The following KCTD16 variants were observed in gnomAD, a reference collection of about 807,000 sequenced individuals.
KCTD16 encodes BTB/POZ domain-containing protein KCTD16.
KCTD16 carries 13 observed loss-of-function variants against 33.2 expected under a neutral mutation model. The ratio of observed to expected loss-of-function variants is 0.39; its 90% CI spans 0.25 to 0.62. The LOEUF (loss-of-function observed/expected upper bound fraction) is 0.62, where lower values mean the gene tolerates loss of function less well. Ranked by LOEUF, KCTD16 falls within the 20% of genes least tolerant of loss-of-function variation. The pLI is 0.50. For missense variants in KCTD16, 441 were observed against 525.1 expected (o/e 0.84, Z 1.57); for synonymous variants, 197 against 195.3 (o/e 1.01, Z -0.07).
intron 3 of KCTD16, 44 bp downstream of exon 3, chr5:144,207,590 T>A: frequency 7.4e-7 from 1 of 1,354,602 alleles, no homozygotes; most frequent in Non-Finnish European, 1.0e-6. Context: ...GTGTCAATGC[T>A]CTTCACAAAT....
chr5:144,316,826 C>CTTTT (rs34796022), intron 3 of KCTD16, among the ~76,000 whole-genome samples: 15 of 111,160 alleles, frequency 1.3e-4, no homozygotes, highest in East Asian at 7.9e-4. Context: ...GCCAGCATCC[C>CTTTT]TTTTTTTTTT....
intron 3 of KCTD16, among the ~76,000 whole-genome samples, chr5:144,374,843 A>G (rs1752049412): frequency 6.6e-6 from 1 of 151,836 alleles, no homozygotes. Flanking sequence ...TGTGTTTTTC[A>G]CTGAAGTTTA....
chr5:144,401,312 G>A (rs1345671171), intron 3 of KCTD16, among the ~76,000 whole-genome samples: 2 of 152,162 alleles, frequency 1.3e-5, no homozygotes, highest in Admixed American at 6.5e-5. Context: ...TAAAAGAAGT[G>A]AGACCACTCT....
chr5:144,433,234 G>A (rs1244244466), intron 3 of KCTD16, among the ~76,000 whole-genome samples: 2 of 152,050 alleles, frequency 1.3e-5, no homozygotes, highest in African/African-American at 4.8e-5. Flanking sequence ...GCTTTGGATA[G>A]GGACCTGAGA....
intron 3 of KCTD16, among the ~76,000 whole-genome samples, chr5:144,382,223 TA>T (rs1033756931): frequency 1.3e-5 from 2 of 152,060 alleles, no homozygotes; most frequent in African/African-American, 4.8e-5. Context: ...AAGATCGGAA[TA>T]ATAGACATAG....
At chr5:144,260,722 A>G (rs1754982151) in intron 3 of KCTD16, among the ~76,000 whole-genome samples, 3 of 147,460 alleles carry the variant, frequency 2.0e-5, no homozygotes, top group Non-Finnish European at 4.6e-5. Context: ...GCATGTCGAA[A>G]AAGATGGTTG....
chr5:144,412,474 TC>T, intron 3 of KCTD16, among the ~76,000 whole-genome samples: 1 of 152,100 alleles, frequency 6.6e-6, no homozygotes, highest in Non-Finnish European at 1.5e-5. Flanking sequence ...TAAAAAAGAA[TC>T]CTGTGAAGAT....
intron 3 of KCTD16, among the ~76,000 whole-genome samples, chr5:144,294,155 T>TCAAACAAA (rs34249885): frequency 4.0e-5 from 6 of 151,876 alleles, no homozygotes; most frequent in South Asian, 2.1e-4. Flanking sequence ...TGAGACTCTG[T>TCAAACAAA]CAAACAAACA....
intron 3 of KCTD16, among the ~76,000 whole-genome samples, chr5:144,346,897 A>G (rs777994136): frequency 6.6e-6 from 1 of 151,618 alleles, no homozygotes; most frequent in African/African-American, 2.4e-5. Flanking sequence ...TTGGTTTCCT[A>G]TGCTTGTTTC....
intron 3 of KCTD16, among the ~76,000 whole-genome samples, chr5:144,284,417 C>T (rs1229883250): frequency 1.3e-5 from 2 of 152,182 alleles, no homozygotes; most frequent in Admixed American, 6.5e-5. Context: ...TACTTCGCAG[C>T]GTGGCTTAGA....
At position 144,477,722 on chromosome 5, in the gene KCTD16, C is replaced by G. The variant is rs1463477288; in HGVS notation, c.*3608C>G. The G allele has an allele frequency of 6.6e-6, 1 of 152,048 alleles. No individual in the cohort carries two copies. Among genetic ancestry groups the G allele is most frequent in the African/African-American group, 2.4e-5 (1 of 41,422 alleles). 9.4% of individuals were successfully genotyped at this position (152,048 alleles called of 1,614,324 possible). ...TGACACCAGCTCCCACAATGGGAAC[C>G]AAATTTTGATTCTTATACATTTTCC... On this transcript the variant is annotated 3_prime_UTR_variant, in exon 4 of 4. Transcript: ENST00000512467.
chr5:144,299,246 CT>C (rs1751346616), intron 3 of KCTD16, among the ~76,000 whole-genome samples: 1 of 146,156 alleles, frequency 6.8e-6, no homozygotes, highest in South Asian at 2.2e-4. Flanking sequence ...TCTTCAACCT[CT>C]TTCATTTTCA....
intron 3 of KCTD16, among the ~76,000 whole-genome samples, chr5:144,264,786 A>C (rs771682309): frequency 3.3e-5 from 5 of 152,170 alleles, no homozygotes; most frequent in Non-Finnish European, 5.9e-5. Flanking sequence ...AAACAAACAG[A>C]AACGATTAAC....
chr5:144,386,107 T>G (rs775014966), intron 3 of KCTD16, among the ~76,000 whole-genome samples: 3 of 152,190 alleles, frequency 2.0e-5, no homozygotes, highest in Non-Finnish European at 4.4e-5. Flanking sequence ...ATACGTGTAT[T>G]AGATTGGCAG....
chr5:144,409,710 T>A (rs1335617329), intron 3 of KCTD16, among the ~76,000 whole-genome samples: 1 of 151,726 alleles, frequency 6.6e-6, no homozygotes, highest in Admixed American at 6.6e-5. Flanking sequence ...ATACAAAAAA[T>A]TGGCTGGATG....
chr5:144,172,387 C>A (rs1170397907), intron 1 of KCTD16, among the ~76,000 whole-genome samples: 1 of 152,168 alleles, frequency 6.6e-6, no homozygotes, highest in East Asian at 1.9e-4. Flanking sequence ...TATCTGTCGC[C>A]TCAGACATTT....
chr5:144,277,814 T>A (rs1330918099), intron 3 of KCTD16, among the ~76,000 whole-genome samples: 1 of 152,248 alleles, frequency 6.6e-6, no homozygotes, highest in African/African-American at 2.4e-5. Flanking sequence ...CTTTGCCATA[T>A]GTATATCCTC....
chr5:144,264,544 C>T (rs1159464679), intron 3 of KCTD16, among the ~76,000 whole-genome samples: 1 of 152,090 alleles, frequency 6.6e-6, no homozygotes, highest in Non-Finnish European at 1.5e-5. Flanking sequence ...AGGAGGATCT[C>T]TTGAGCCCAG....
At chr5:144,288,263 G>C (rs1366385992) in intron 3 of KCTD16, among the ~76,000 whole-genome samples, 6 of 152,180 alleles carry the variant, frequency 3.9e-5, no homozygotes, top group Non-Finnish European at 5.9e-5. Context: ...CTAGTTGTAA[G>C]ACCTTGAACA....
Sources: allele counts gnomAD v4.1 joint callset (sites outside exome capture counted in the v4.1 genomes callset), GRCh38; gene constraint gnomAD v4.1.1; transcripts MANE v1.5; gene names NCBI Gene and HGNC (gene_info 2026-07-23, HGNC 2026-07-21).